Variants in NOS2 observed in about 807,000 individuals in gnomAD.
NOS2 encodes the protein nitric oxide synthase 2.
NOS2 carries 96 observed loss-of-function variants against 136.0 expected under a neutral mutation model. That is an observed-to-expected ratio of 0.71 (90% CI 0.60 to 0.84). The LOEUF (loss-of-function observed/expected upper bound fraction) is 0.84. NOS2 is among the 40% of genes least tolerant of loss of function. NOS2 has a pLI of 0.00. For missense variants in NOS2, 1,237 were observed against 1,496.9 expected, an observed-to-expected ratio of 0.83 and a Z score of 2.87; for synonymous variants, 539 against 587.5, an observed-to-expected ratio of 0.92 and a Z score of 1.20.
intron 5 of NOS2, among the ~76,000 whole-genome samples, chr17:27,783,378 T>A (rs960958809): frequency 6.6e-6 from 1 of 152,196 alleles, no homozygotes; most frequent in African/African-American, 2.4e-5. Flanking sequence ...CTATAAATAC[T>A]ACCTAGCCAG....
Position 27,772,343 on chromosome 17 carries a change from G to A in NOS2, c.1669C>T (p.Leu557=), listed in dbSNP as rs1567636711. The A allele has an allele frequency of 1.2e-6, 2 of 1,614,142 alleles. No homozygotes were observed. The highest frequency in any genetic ancestry group is 8.5e-7 in the Non-Finnish European group (1 of 1,180,034). ...TGKSEALAWD[L]GALFSCAFNP... is the part of the protein sequence containing the mutation. ...AAGGCACAGCTGAATAAGGCCCCCA[G>A]GTCCCAGGCCAGCGCCTCTGATTTT... is the stretch of plus-strand genomic sequence containing the variant. Residue 557 remains leucine (L), a synonymous_variant, in exon 14 of 27, where the codon CTG becomes TTG. Transcript: ENST00000313735.
At chr17:27,785,197 G>C (rs1268717113) in intron 5 of NOS2, among the ~76,000 whole-genome samples, 1 of 152,078 alleles carries the variant, frequency 6.6e-6, no homozygotes, top group Non-Finnish European at 1.5e-5. Context: ...GATTTCAGTT[G>C]CCTTGTCTGT....
chr17:27,760,291 C>T (rs1343406927), intron 24 of NOS2, 113 bp from the exon 25 acceptor site: 2 of 1,140,890 alleles, frequency 1.8e-6, no homozygotes, highest in Admixed American at 2.6e-5. Flanking sequence ...GCATTATCCC[C>T]ACTTTACAGA....
chr17:27,780,171 C>G (rs191588525), intron 9 of NOS2, among the ~76,000 whole-genome samples: 103 of 152,218 alleles, frequency 6.8e-4, no homozygotes, highest in Non-Finnish European at 1.0e-3. Context: ...AAGAAATGAG[C>G]CTAGAAAAAT....
intron 2 of NOS2, among the ~76,000 whole-genome samples, chr17:27,791,361 C>T (rs556670439): frequency 9.8e-5 from 15 of 152,292 alleles, no homozygotes; most frequent in South Asian, 6.2e-4. Flanking sequence ...AGAATCCCTA[C>T]TTAGTCAGTT....
At chr17:27,761,040 C>T in intron 23 of NOS2, 104 bp downstream of exon 23, 1 of 1,129,170 alleles carries the variant, frequency 8.9e-7, no homozygotes, top group Non-Finnish European at 1.2e-6. Context: ...TCTTTATGGG[C>T]CAAGGGGCTC....
Position 27,778,965 on chromosome 17 carries a change from C to G in NOS2, c.1096G>C (p.Gly366Arg). 6.2e-7 allele frequency: 1 copy of G among 1,613,064 alleles called. No individual in the cohort carries two copies. The highest frequency in any genetic ancestry group is 8.5e-7 in the Non-Finnish European group (1 of 1,179,228). The change falls in exon 10 of 27, where the codon GGG (glycine) becomes CGG (arginine). Residue 366 changes from glycine (G) to arginine (R), a missense_variant. Gly to Arg is a moderately radical substitution (Grantham distance 125). Around this residue, in one of 3 missense-constraint regions of NOS2, gnomAD observed 440 missense variants for 545.4 expected, o/e 0.81. Transcript: ENST00000313735. ...LLEVGGLEFP[G>R]CPFNGWYMGT... ...ATGTACCAGCCATTGAAGGGGCACC[C>G]TGGGAACTCCAGGCCGCCCACCTCA... is the stretch of plus-strand genomic sequence containing the variant.
Position 27,788,851 on chromosome 17 carries a change from G to A in NOS2, c.276C>T (p.Ser92=), listed in dbSNP as rs775886587. The change falls in exon 4 of 27, where the codon AGC becomes AGT. Residue 92 remains serine (S), a synonymous_variant. Coordinates refer to ENST00000313735, the MANE Select transcript of NOS2 (RefSeq NM_000625.4). ...PRHVRIKNWG[S]GMTFQDTLHH... is the part of the protein sequence containing the mutation. ...GAAGTGTGTCTTGGAAAGTCATCCC[G>A]CTGCCCCAGTTTTTGATCCTCACAT... The A allele has an allele frequency of 3.0e-5, 49 of 1,614,110 alleles. No homozygotes were observed. Among genetic ancestry groups the A allele is most frequent in the Admixed American group, 5.0e-5 (3 of 60,024 alleles).
chr17:27,776,263 A>G (rs1377542685), intron 11 of NOS2, among the ~76,000 whole-genome samples: 4 of 152,214 alleles, frequency 2.6e-5, no homozygotes, highest in Non-Finnish European at 4.4e-5. Flanking sequence ...ATAGACATAC[A>G]TAAGTTATAT....
At chr17:27,791,299 C>A (rs1426421096) in intron 2 of NOS2, among the ~76,000 whole-genome samples, 1 of 152,208 alleles carries the variant, frequency 6.6e-6, no homozygotes, top group Non-Finnish European at 1.5e-5. Context: ...ACTTCTGAAT[C>A]TTCTGCGGGG....
rs1907938422 is a variant in NOS2, at chr17:27,756,783, GCAATTCATGTAAATATCTCCAT to G, written c.*441_*462del. ...GCATACAGTGTGATTAAAGTAAAAT[GCAATTCATGTAAATATCTCCAT>G]CAAGGAATCATACAGGGAAGACCCA... On this transcript the variant is annotated 3_prime_UTR_variant, in exon 27 of 27. Transcript: ENST00000313735. 1.9e-5 allele frequency: 3 copies of G among 155,798 alleles called. No homozygotes were observed. Among genetic ancestry groups the G allele is most frequent in the Non-Finnish European group, 4.2e-5 (3 of 70,676 alleles). 9.7% of individuals were successfully genotyped at this position (155,798 alleles called of 1,614,324 possible). A position where few individuals can be genotyped will look rare whatever the true frequency, so the allele number is the denominator to read the frequency against.
chr17:27,781,148 C>G lies in NOS2; in HGVS notation c.752G>C (p.Ser251Thr), dbSNP rs1487140294. Residue 251 changes from serine (S) to threonine (T), a missense_variant, in exon 8 of 27, where the codon AGT becomes ACT. Coordinates refer to ENST00000313735, the MANE Select transcript of NOS2 (RefSeq NM_000625.4). The stretch of plus-strand genomic sequence containing the variant: ...CACCCGGAAGTCGTGCTTGCCATCA[C>G]TCCGCTGGGGGAACACGGTGATGGC... ...RSAITVFPQR[S>T]DGKHDFRVWN... 6.2e-7 allele frequency: 1 copy of G among 1,611,022 alleles called. No homozygotes were observed. Among genetic ancestry groups the G allele is most frequent in the Non-Finnish European group, 8.5e-7 (1 of 1,179,996 alleles).
Position 27,800,412 on chromosome 17 carries a change from C to T in NOS2, c.-147G>A, listed in dbSNP as rs1006574141. The T allele has an allele frequency of 3.9e-5, 6 of 152,276 alleles. No individual in the cohort carries two copies. Among genetic ancestry groups the T allele is most frequent in the South Asian group, 2.1e-4 (1 of 4,818 alleles). 9.4% of individuals were successfully genotyped at this position (152,276 alleles called of 1,614,324 possible). A position where few individuals can be genotyped will look rare whatever the true frequency, so the allele number is the denominator to read the frequency against. ...GAAGAGACCTGTGCCTTGAGAACTT[C>T]GGGACTGTCTAGAACTGCCCAGTCC... On this transcript the variant is annotated 5_prime_UTR_variant, in exon 1 of 27. Coordinates refer to ENST00000313735, the MANE Select transcript of NOS2 (RefSeq NM_000625.4).
intron 2 of NOS2, among the ~76,000 whole-genome samples, chr17:27,797,577 T>TGC (rs1325099703): frequency 6.6e-6 from 1 of 152,250 alleles, no homozygotes. Context: ...GCCGTCATGC[T>TGC]GTACACATCC....
chr17:27,783,617 C>T lies in NOS2; in HGVS notation c.468-511G>A, dbSNP rs28942374. 2.1e-3 allele frequency among the ~76,000 whole-genome samples: 325 copies of T among 152,316 alleles called. 3 individuals carry two copies. Among genetic ancestry groups the T allele is most frequent in the African/African-American group, 7.5e-3 (310 of 41,568 alleles). On this transcript the variant is annotated intron_variant, in intron 5 of 26. Coordinates refer to ENST00000313735, the MANE Select transcript of NOS2 (RefSeq NM_000625.4). ...GCAGCTCCGGTGTACTGGGTACCCA[C>T]ATGAGCCAGGCACTGGGTGAAGCAA...
chr17:27,763,985 C>T lies in NOS2; in HGVS notation c.2588G>A (p.Cys863Tyr). The change falls in exon 21 of 27, where the codon TGC (cysteine) becomes TAC (tyrosine). Residue 863 changes from cysteine to tyrosine, a missense_variant. Around this residue, in one of 3 missense-constraint regions of NOS2, gnomAD observed 782 missense variants for 909.9 expected, o/e 0.86. Coordinates refer to ENST00000313735, the MANE Select transcript of NOS2 (RefSeq NM_000625.4). Reference protein sequence around the residue: ...EPERQRLEALCQPSEYSKWKF... With the variant: ...EPERQRLEALYQPSEYSKWKF... ...CCCACCAGCCCTGATCTTCACCTGG[C>T]ACAGGGCCTCCAGCCTCTGTCTCTC... 6.2e-7 allele frequency: 1 copy of T among 1,612,486 alleles called. No homozygotes were observed. The highest frequency in any genetic ancestry group is 8.5e-7 in the Non-Finnish European group (1 of 1,179,338).
Position 27,769,063 on chromosome 17 carries a change from C to A in NOS2, c.1948G>T (p.Ala650Ser). ...TCTCCCATCGGGGTGAGCTGAGAGG[C>A]CCCCAGGTGGGACAGCTTCTGATCA... is the stretch of plus-strand genomic sequence containing the variant. ...DIDQKLSHLG[A>S]SQLTPMGEGD... is the part of the protein sequence containing the mutation. Residue 650 changes from alanine to serine, a missense_variant, in exon 17 of 27, where the codon GCC (alanine) becomes TCC (serine). By Grantham distance (99) the Ala-to-Ser change is moderately conservative. Around this residue, in one of 3 missense-constraint regions of NOS2, gnomAD observed 782 missense variants for 909.9 expected, o/e 0.86. Coordinates refer to ENST00000313735, the MANE Select transcript of NOS2 (RefSeq NM_000625.4). 6.2e-7 allele frequency: 1 copy of A among 1,612,562 alleles called. No individual in the cohort carries two copies. The highest frequency in any genetic ancestry group is 8.5e-7 in the Non-Finnish European group (1 of 1,179,576).
chr17:27,788,194 G>A (rs919109161), intron 4 of NOS2, among the ~76,000 whole-genome samples: 38 of 48,268 alleles, frequency 7.9e-4, no homozygotes, highest in East Asian at 7.2e-4. Context: ...AGGCACACGC[G>A]TGCACACACA....
At chr17:27,760,321 C>G (rs1405458233) in intron 24 of NOS2, 143 bp from the exon 25 acceptor site, 16 of 897,710 alleles carry the variant, frequency 1.8e-5, no homozygotes, top group Non-Finnish European at 2.5e-5. Context: ...TGAGGCCCAG[C>G]GCATTCAGAT....
Sources: gnomAD v4.1 joint callset for allele counts (sites outside exome capture counted in the v4.1 genomes callset) on GRCh38, gnomAD v4.1.1 for gene constraint, gnomAD v4.1.1 regional missense constraint, MANE v1.5 for transcripts, NCBI Gene and HGNC (gene_info 2026-07-23, HGNC 2026-07-21) for gene names.